ZNF541: variants seen among roughly 807,000 people sequenced by gnomAD.
ZNF541 encodes zinc finger protein 541.
ZNF541 carries 23 observed loss-of-function variants against 123.5 expected under a neutral mutation model. The ratio of observed to expected loss-of-function variants is 0.19; its 90% confidence interval spans 0.13 to 0.26. The LOEUF is 0.26. Among genes scored for constraint, ZNF541 ranks in the 10% least tolerant of loss-of-function variants. ZNF541 has a pLI of 1.00. For synonymous variants in ZNF541, 751 were observed against 754.5 expected, an observed-to-expected ratio of 1.00 and a Z score of 0.08; for missense variants, 1,612 against 1,789.9, an observed-to-expected ratio of 0.90 and a Z score of 1.79.
At chr19:47,559,799 G>A (rs563618402) in intron 2 of ZNF541, among the ~76,000 whole-genome samples, 13 of 149,564 alleles carry the variant, frequency 8.7e-5, no homozygotes, top group Admixed American at 7.4e-4. Context: ...GTAGTGAGCC[G>A]AGATTGTGCC....
At chr19:47,566,370 A>G (rs914818507) in intron 2 of ZNF541, among the ~76,000 whole-genome samples, 1 of 152,152 alleles carries the variant, frequency 6.6e-6, no homozygotes, top group Non-Finnish European at 1.5e-5. Context: ...GGAGGGAACA[A>G]TCTGAATGCC....
In ZNF541 at chr19:47,549,207, C is replaced by T. The variant is rs1473787645; in HGVS notation, c.548+38G>A. 6 of 1,550,564 alleles carry T rather than the reference C, an allele frequency of 3.9e-6. No homozygotes were observed. The Admixed American group carries it at 1.2e-4, about 30-fold the overall frequency. ...CCAGGAACATGTCCCCACCCCCAGC[C>T]CCTGAACAGACGTTTTTCTGACCAG... On this transcript the variant is annotated intron_variant, in intron 4 of 16. Transcript: ENST00000391901.
Position 47,539,757 on chromosome 19 carries a change from G to A in ZNF541, c.2744C>T (p.Pro915Leu). 1 of 1,464,634 alleles carries A rather than the reference G, an allele frequency of 6.8e-7. No individual in the cohort carries two copies. Among genetic ancestry groups the A allele is most frequent in the Non-Finnish European group, 9.0e-7 (1 of 1,114,686 alleles). 90.7% of individuals were successfully genotyped at this position (1,464,634 alleles called of 1,614,324 possible). A position where few individuals can be genotyped will look rare whatever the true frequency, so the allele number is the denominator to read the frequency against. ...CACTGGAACCACGGGGATCGATTGG[G>A]GGACCACCAAAGGGGCTGCAGCTGT... ...DPTAAAPLVV[P>L]QSIPVVPVTR... The change falls in exon 8 of 17, where the codon CCC (proline) becomes CTC (leucine). Residue 915 changes from proline (P) to leucine (L), a missense_variant. By Grantham distance (98) the Pro-to-Leu change is moderately conservative. This residue lies in a region of ZNF541 where 1,080 missense variants were observed against 1,013.8 expected (regional missense o/e 1.07). Transcript: ENST00000391901.
chr19:47,565,380 C>T lies in ZNF541; in HGVS notation c.-99+6516G>A, dbSNP rs147299036. Among the ~76,000 whole-genome samples the T allele has an allele frequency of 6.2e-4, 94 of 152,214 alleles. 1 individual carries two copies. In the East Asian group the frequency reaches 0.013, roughly 21 times the overall value. On this transcript the variant is annotated intron_variant, in intron 2 of 16. Transcript: ENST00000391901. ...GATCATTAGAGGACTCCCTTGTAACCGAGTACTACCATGTGGTTTCAATGC... is the reference window on the plus strand; with the variant it reads ...GATCATTAGAGGACTCCCTTGTAACTGAGTACTACCATGTGGTTTCAATGC...
chr19:47,546,293 A>G (rs1164987971), intron 4 of ZNF541, among the ~76,000 whole-genome samples: 1 of 151,522 alleles, frequency 6.6e-6, no homozygotes, highest in Non-Finnish European at 1.5e-5. Context: ...GGATCACTTG[A>G]GGTCAGGAGT....
intron 12 of ZNF541, among the ~76,000 whole-genome samples, chr19:47,530,859 C>T (rs1969534966): frequency 6.6e-6 from 1 of 151,880 alleles, no homozygotes; most frequent in South Asian, 2.1e-4. Flanking sequence ...CCATGTTGTC[C>T]AGGCTGGTCT....
chr19:47,564,539 T>C (rs1971188465), intron 2 of ZNF541, among the ~76,000 whole-genome samples: 1 of 152,218 alleles, frequency 6.6e-6, no homozygotes, highest in African/African-American at 2.4e-5. Flanking sequence ...AATTTTATCA[T>C]TTTGTGTTTT....
At position 47,545,163 on chromosome 19, in the gene ZNF541, G is replaced by A; in HGVS notation, c.1366C>T (p.Pro456Ser). 6.7e-7 allele frequency: 1 copy of A among 1,496,042 alleles called. No homozygotes were observed. The highest frequency in any genetic ancestry group is 8.9e-7 in the Non-Finnish European group (1 of 1,121,560). The allele number at this position is 1,496,042 out of a possible 1,614,324, so 92.7% of individuals were successfully genotyped here. A position where few individuals can be genotyped will look rare whatever the true frequency, so the allele number is the denominator to read the frequency against. The change falls in exon 5 of 17, where the codon CCC becomes TCC. Residue 456 changes from proline (P) to serine (S), a missense_variant. Transcript: ENST00000391901. The surrounding 1 kb of genome is among the most constrained non-coding windows in gnomAD (Gnocchi z 7.5). ...ESGPGPSSGS[P>S]SEESPPGPGG... ...GGGCCGGGCGGGGACTCCTCCGAGG[G>A]GCTTCCGCTGCTGGGTCCCGGGCCA...
chr19:47,569,779 T>A (rs1457027521), intron 2 of ZNF541, among the ~76,000 whole-genome samples: 4 of 151,834 alleles, frequency 2.6e-5, no homozygotes, highest in Non-Finnish European at 5.9e-5. Context: ...CTCGGGAGAC[T>A]GAAGCAGAAG....
rs192462049 is a variant in ZNF541, at chr19:47,557,513, G to A, written c.-98-1559C>T. On this transcript the variant is annotated intron_variant, in intron 2 of 16. Coordinates refer to ENST00000391901, the MANE Select transcript of ZNF541 (RefSeq NM_001277075.3). ...TCATCAGTGGACTAAGGAAAAGTCA[G>A]CCAGCACAGAGCTCAACATACAGGC... Among the ~76,000 whole-genome samples the A allele has an allele frequency of 5.3e-5, 8 of 152,260 alleles. No individual in the cohort carries two copies. The East Asian group carries it at 1.2e-3, about 22-fold the overall frequency.
chr19:47,521,217 A>C lies in ZNF541; in HGVS notation c.*7T>G, dbSNP rs1197135365. 7 of 1,550,410 alleles carry C rather than the reference A, an allele frequency of 4.5e-6. No individual in the cohort carries two copies. The highest frequency in any genetic ancestry group is 6.1e-6 in the Non-Finnish European group (7 of 1,146,284). On this transcript the variant is annotated 3_prime_UTR_variant, in exon 17 of 17. Transcript: ENST00000391901. The surrounding 1 kb of genome is among the most constrained non-coding windows in gnomAD (Gnocchi z 4.2). ...GGAGGCCCCATTCGGACTTGCTGCCACGGGAGTCACCACTGCAGGGGGCCG... is the reference window on the plus strand; with the variant it reads ...GGAGGCCCCATTCGGACTTGCTGCCCCGGGAGTCACCACTGCAGGGGGCCG...
chr19:47,533,050 C>T lies in ZNF541; in HGVS notation c.3095-78G>A, dbSNP rs369805844. On this transcript the variant is annotated intron_variant, in intron 9 of 16. Transcript: ENST00000391901. ...AGGGTCCTCTGCCTGCCTGTGTGGA[C>T]GCAGCTGAAAGCAGGGTCTTTAAGA... is the stretch of plus-strand genomic sequence containing the variant. 2.6e-4 allele frequency: 364 copies of T among 1,388,656 alleles called. 3 individuals carry two copies. Among genetic ancestry groups the T allele is most frequent in the East Asian group, 1.1e-3 (42 of 38,372 alleles). The allele number at this position is 1,388,656 out of a possible 1,614,324, so 86.0% of individuals were successfully genotyped here. A position where few individuals can be genotyped will look rare whatever the true frequency, so the allele number is the denominator to read the frequency against.
chr19:47,533,151 G>A (rs985450330), intron 9 of ZNF541, among the ~76,000 whole-genome samples, 179 bp from the exon 10 acceptor site: 1 of 150,230 alleles, frequency 6.7e-6, no homozygotes, highest in African/African-American at 2.5e-5. Flanking sequence ...GGAGGATCAC[G>A]AGGTCAGGAG....
intron 12 of ZNF541, among the ~76,000 whole-genome samples, chr19:47,530,602 T>C (rs1351594112): frequency 6.6e-6 from 1 of 152,164 alleles, no homozygotes; most frequent in Non-Finnish European, 1.5e-5. Flanking sequence ...CACTGCAAAA[T>C]GAAGATGCAG....
chr19:47,545,605 G>A lies in ZNF541; in HGVS notation c.924C>T (p.Pro308=). The change falls in exon 5 of 17, where the codon CCC becomes CCT. Residue 308 remains proline (P), a synonymous_variant. Transcript: ENST00000391901. The surrounding 1 kb of genome is among the most constrained non-coding windows in gnomAD (Gnocchi z 7.5). ...ACGAGGACCCCGATGAGGCGGGGCAGGGACAGGCAGTGTTCCTCCCTTCGC... is the reference window on the plus strand; with the variant it reads ...ACGAGGACCCCGATGAGGCGGGGCAAGGACAGGCAGTGTTCCTCCCTTCGC... ...SDSEGRNTAC[P]CPASSGSSSC... The A allele has an allele frequency of 3.9e-6, 6 of 1,548,982 alleles. No homozygotes were observed. The highest frequency in any genetic ancestry group is 2.4e-5 in the South Asian group (2 of 83,938).
chr19:47,538,562 C>T (rs1969935206), intron 8 of ZNF541, 123 bp from the exon 9 acceptor site: 1 of 1,080,536 alleles, frequency 9.3e-7, no homozygotes, highest in African/African-American at 1.6e-5. Flanking sequence ...AAATGCACGC[C>T]CGGCAAAGGA....
chr19:47,529,099 G>T, intron 13 of ZNF541, 61 bp from the exon 14 acceptor site: 1 of 1,238,838 alleles, frequency 8.1e-7, no homozygotes, highest in South Asian at 1.3e-5. Flanking sequence ...AGCCATGGCT[G>T]AAATGCAGAC....
chr19:47,542,596 A>C (rs1970128652), intron 5 of ZNF541, among the ~76,000 whole-genome samples: 1 of 151,998 alleles, frequency 6.6e-6, no homozygotes, highest in South Asian at 2.1e-4. Context: ...AGGCTGCAGT[A>C]AGCCAAGATT....
chr19:47,573,213 C>T (rs1295020668), upstream of ZNF541, among the ~76,000 whole-genome samples: 1 of 150,666 alleles, frequency 6.6e-6, no homozygotes, highest in Non-Finnish European at 1.5e-5. Context: ...CTCGCTCACG[C>T]GCGGCGCAGG....
Sources: allele counts gnomAD v4.1 joint callset (sites outside exome capture counted in the v4.1 genomes callset), GRCh38; gene constraint gnomAD v4.1.1; regional missense constraint gnomAD v4.1.1; non-coding constraint Gnocchi (gnomAD v3.1); transcripts MANE v1.5; gene names NCBI Gene and HGNC (gene_info 2026-07-23, HGNC 2026-07-21).